The following USP34 variants were observed in gnomAD, a reference collection of about 807,000 sequenced individuals.
USP34 encodes the protein ubiquitin specific peptidase 34, also known as ubiquitin carboxyl-terminal hydrolase 34.
USP34 carries 70 observed loss-of-function variants against 460.3 expected under a neutral mutation model. The ratio of observed to expected loss-of-function variants is 0.15; its 90% CI spans 0.13 to 0.19. USP34 has a LOEUF of 0.19. Ranked by LOEUF, USP34 falls within the 10% of genes least tolerant of loss-of-function variation. The pLI is 1.00. For missense variants in USP34, 3,985 were observed against 4,236.2 expected, an observed-to-expected ratio of 0.94 and a Z score of 1.65; for synonymous variants, 1,647 against 1,405.3, an observed-to-expected ratio of 1.17 and a Z score of -3.85.
chr2:61,366,763 T>C (rs946008162), intron 10 of USP34, among the ~76,000 whole-genome samples: 1 of 152,094 alleles, frequency 6.6e-6, no homozygotes, highest in African/African-American at 2.4e-5. Flanking sequence ...GAAATATGAA[T>C]GTGGCCGGGT....
chr2:61,259,410 CAG>C (rs1387426153), intron 44 of USP34, among the ~76,000 whole-genome samples: 4 of 151,466 alleles, frequency 2.6e-5, no homozygotes, highest in Non-Finnish European at 5.9e-5. Flanking sequence ...TTTTTTGAGA[CAG>C]AGTCTCACTC....
chr2:61,271,996 A>C (rs57895152), intron 41 of USP34, among the ~76,000 whole-genome samples: 4,612 of 152,268 alleles, frequency 0.03, 240 homozygotes, highest in African/African-American at 0.11. Context: ...TGACATTTCA[A>C]ATTTAACATT....
At chr2:61,457,468 C>A (rs183104337) in intron 1 of USP34, among the ~76,000 whole-genome samples, 1 of 152,126 alleles carries the variant, frequency 6.6e-6, no homozygotes, top group Non-Finnish European at 1.5e-5. Flanking sequence ...CTGTTTCTGC[C>A]AAAGAAACGG....
chr2:61,234,022 G>T (rs1161159186), intron 57 of USP34, among the ~76,000 whole-genome samples: 5 of 152,098 alleles, frequency 3.3e-5, no homozygotes, highest in East Asian at 1.9e-4. Context: ...GAAAAAAAAG[G>T]AATAGGGGAT....
At chr2:61,231,535 G>T (rs1246874593) in intron 58 of USP34, among the ~76,000 whole-genome samples, 3 of 152,022 alleles carry the variant, frequency 2.0e-5, no homozygotes, top group African/African-American at 7.2e-5. Flanking sequence ...CAACAGGGGA[G>T]AGACACTCTC....
intron 72 of USP34, among the ~76,000 whole-genome samples, chr2:61,205,753 GATT>G (rs1242946956): frequency 6.6e-6 from 1 of 152,168 alleles, no homozygotes; most frequent in Non-Finnish European, 1.5e-5. Flanking sequence ...AGGATAACAA[GATT>G]TTAGAGCTGG....
chr2:61,344,107 T>C, intron 15 of USP34, 78 bp from the exon 16 acceptor site: 1 of 1,352,134 alleles, frequency 7.4e-7, no homozygotes, highest in East Asian at 2.4e-5. Context: ...ATACCTCTCT[T>C]AAACTTACAA....
intron 1 of USP34, among the ~76,000 whole-genome samples, chr2:61,430,516 TA>T (rs1694639000): frequency 1.3e-5 from 2 of 152,184 alleles, no homozygotes; most frequent in South Asian, 4.1e-4. Flanking sequence ...GAATGAGGAA[TA>T]ACTGGGTGAT....
chr2:61,206,692 T>G, intron 71 of USP34, 68 bp downstream of exon 71: 3 of 1,565,610 alleles, frequency 1.9e-6, no homozygotes, highest in Non-Finnish European at 2.6e-6. Flanking sequence ...CTGGGGCACA[T>G]GATTTTAAAA....
intron 22 of USP34, 35 bp downstream of exon 22, chr2:61,319,138 G>GA: frequency 6.6e-7 from 1 of 1,514,874 alleles, no homozygotes; most frequent in Non-Finnish European, 8.8e-7. Context: ...AGGGAACATG[G>GA]AAAAATAATA....
chr2:61,412,852 G>A lies in USP34; in HGVS notation c.132-6724C>T, dbSNP rs574902603. On this transcript the variant is annotated intron_variant, in intron 2 of 79. Transcript: ENST00000398571. ...CGCAGTGAGCCATCATAACGCCACT[G>A]CACTCCAACCTTAGCAACACAGCAA... 2.9e-3 allele frequency among the ~76,000 whole-genome samples: 404 copies of A among 138,166 alleles called. 2 individuals carry two copies. Among genetic ancestry groups the A allele is most frequent in the African/African-American group, 0.01 (377 of 36,662 alleles). The allele number at this position is 138,166 out of a possible 152,430, so 90.6% of individuals were successfully genotyped here.
intron 48 of USP34, among the ~76,000 whole-genome samples, chr2:61,248,906 C>G (rs1033559954): frequency 6.6e-6 from 1 of 152,140 alleles, no homozygotes; most frequent in Non-Finnish European, 1.5e-5. Context: ...AACCAACATA[C>G]CTATGACAAA....
intron 33 of USP34, among the ~76,000 whole-genome samples, chr2:61,292,675 CAAAAA>C (rs771344467): frequency 6.6e-6 from 1 of 151,956 alleles, no homozygotes; most frequent in Non-Finnish European, 1.5e-5. Context: ...CAAAACAAAA[CAAAAA>C]ACCACAGGAA....
intron 21 of USP34, among the ~76,000 whole-genome samples, chr2:61,319,675 C>T (rs1405389872): frequency 1.3e-5 from 2 of 151,858 alleles, no homozygotes; most frequent in Admixed American, 1.3e-4. Flanking sequence ...TGAAACGCTG[C>T]CTCTATTAAA....
rs571004563 is a variant in USP34, at chr2:61,433,206, T to G, written c.44-12373A>C. On this transcript the variant is annotated intron_variant, in intron 1 of 79. Coordinates refer to ENST00000398571, the MANE Select transcript of USP34 (RefSeq NM_014709.4). ...GAAGGCAGTATGGAAGCATCCAGCCTCTGCAGCCCCATCTCCCCTCACCCA... is the reference window on the plus strand; with the variant it reads ...GAAGGCAGTATGGAAGCATCCAGCCGCTGCAGCCCCATCTCCCCTCACCCA... Among the ~76,000 whole-genome samples the G allele has an allele frequency of 5.3e-5, 8 of 152,282 alleles. No individual in the cohort carries two copies. The South Asian group carries it at 8.3e-4, about 16-fold the overall frequency.
intron 15 of USP34, 116 bp downstream of exon 15, chr2:61,347,754 T>A: frequency 1.4e-6 from 2 of 1,468,846 alleles, no homozygotes; most frequent in Non-Finnish European, 9.1e-7. Context: ...CATTTATAGT[T>A]TGCACTATAC....
At chr2:61,340,769 T>C (rs1691572538) in intron 16 of USP34, among the ~76,000 whole-genome samples, 1 of 152,160 alleles carries the variant, frequency 6.6e-6, no homozygotes, top group Non-Finnish European at 1.5e-5. Context: ...GTTGTCTTAC[T>C]ATTGAGTTAT....
At chr2:61,237,439 G>A (rs1688099855) in intron 53 of USP34, among the ~76,000 whole-genome samples, 1 of 151,010 alleles carries the variant, frequency 6.6e-6, no homozygotes, top group African/African-American at 2.4e-5. Context: ...GTAATACTGT[G>A]GTTTCTATCA....
At chr2:61,339,705 A>AAAAATT in intron 16 of USP34, 24 bp from the exon 17 acceptor site, 1 of 1,222,408 alleles carries the variant, frequency 8.2e-7, no homozygotes, top group Non-Finnish European at 1.1e-6. Flanking sequence ...AAAAAAAAAG[A>AAAAATT]CACACTATAG....
Sources: allele counts gnomAD v4.1 joint callset (sites outside exome capture counted in the v4.1 genomes callset), GRCh38; gene constraint gnomAD v4.1.1; transcripts MANE v1.5; gene names NCBI Gene and HGNC (gene_info 2026-07-23, HGNC 2026-07-21).